Variants in CNTN4 observed in about 807,000 individuals in gnomAD.
The protein encoded by CNTN4 is contactin 4.
In CNTN4, 77 loss-of-function variants were observed where a neutral mutation model predicts 122.5. The observed-to-expected ratio is 0.63, with a 90% CI of 0.52 to 0.76. CNTN4 has a LOEUF of 0.76. Ranked by LOEUF, CNTN4 falls within the 30% of genes least tolerant of loss-of-function variation. The probability of loss-of-function intolerance (pLI) is 0.00; values close to 1 mark genes in which losing one functional copy is unlikely to be tolerated. For synonymous variants in CNTN4, 512 were observed against 447.0 expected, an observed-to-expected ratio of 1.15 and a Z score of -1.83; for missense variants, 1,256 against 1,259.1, an observed-to-expected ratio of 1.00 and a Z score of 0.04.
chr3:2,462,862 A>G (rs964205440), intron 3 of CNTN4, among the ~76,000 whole-genome samples: 27 of 152,182 alleles, frequency 1.8e-4, no homozygotes, highest in African/African-American at 6.3e-4. Context: ...TCCTTATAAA[A>G]TTCCTAAAAT....
intron 7 of CNTN4, among the ~76,000 whole-genome samples, chr3:2,862,634 G>C (rs186222957): frequency 9.8e-5 from 15 of 152,318 alleles, no homozygotes; most frequent in Admixed American, 5.9e-4. Flanking sequence ...AGAGCAATTA[G>C]TGTGTGAAAA....
chr3:2,465,269 T>C (rs903328378), intron 3 of CNTN4, among the ~76,000 whole-genome samples: 45 of 152,358 alleles, frequency 3.0e-4, no homozygotes, highest in African/African-American at 8.9e-4. Flanking sequence ...ACTAACTAAC[T>C]GTTCATCAAT....
intron 4 of CNTN4, among the ~76,000 whole-genome samples, chr3:2,630,298 G>A (rs1414164208): frequency 6.6e-6 from 1 of 152,116 alleles, no homozygotes; most frequent in Non-Finnish European, 1.5e-5. Flanking sequence ...AATTAGCCAG[G>A]CATGGGGGTA....
At chr3:2,749,123 C>G (rs11718805) in intron 6 of CNTN4, among the ~76,000 whole-genome samples, 91,248 of 152,014 alleles carry the variant, frequency 0.6, 29,940 homozygotes, top group Non-Finnish European at 0.73. Context: ...CAGCCCTCTA[C>G]TTTTACATAA....
At chr3:2,647,509 C>A (rs915404306) in intron 4 of CNTN4, among the ~76,000 whole-genome samples, 1 of 152,134 alleles carries the variant, frequency 6.6e-6, no homozygotes, top group African/African-American at 2.4e-5. Flanking sequence ...ATTTTCTCCC[C>A]TCAGATTTTT....
chr3:2,221,210 C>T (rs553265903), intron 2 of CNTN4, among the ~76,000 whole-genome samples: 3 of 152,118 alleles, frequency 2.0e-5, no homozygotes, highest in Non-Finnish European at 2.9e-5. Context: ...GTGGGCCTTT[C>T]GTTGGAAGTT....
chr3:2,271,538 G>T (rs2041298702), intron 2 of CNTN4, among the ~76,000 whole-genome samples: 1 of 152,144 alleles, frequency 6.6e-6, no homozygotes, highest in Non-Finnish European at 1.5e-5. Context: ...TATAAAAAAT[G>T]AAATGGATTC....
At chr3:2,836,704 G>C (rs2150439812) in intron 7 of CNTN4, among the ~76,000 whole-genome samples, 1 of 150,020 alleles carries the variant, frequency 6.7e-6, no homozygotes, top group Non-Finnish European at 1.5e-5. Flanking sequence ...CCATATTACA[G>C]ATTAAAAATA....
intron 4 of CNTN4, among the ~76,000 whole-genome samples, chr3:2,582,210 C>T (rs2079975778): frequency 6.6e-6 from 1 of 152,178 alleles, no homozygotes; most frequent in South Asian, 2.1e-4. Flanking sequence ...CTACTGTCTC[C>T]TGAGAGACAC....
At chr3:2,624,232 G>C (rs984633735) in intron 4 of CNTN4, among the ~76,000 whole-genome samples, 5 of 152,200 alleles carry the variant, frequency 3.3e-5, no homozygotes, top group African/African-American at 1.2e-4. Flanking sequence ...TCCTGAAAAA[G>C]CATTCATAGG....
At chr3:2,749,130 A>G (rs187021902) in intron 6 of CNTN4, among the ~76,000 whole-genome samples, 2 of 152,026 alleles carry the variant, frequency 1.3e-5, no homozygotes, top group Admixed American at 6.6e-5. Context: ...CTACTTTTAC[A>G]TAACAGTATC....
At chr3:2,662,041 T>A (rs1208723455) in intron 4 of CNTN4, among the ~76,000 whole-genome samples, 1 of 152,112 alleles carries the variant, frequency 6.6e-6, no homozygotes, top group African/African-American at 2.4e-5. Context: ...AAAACACTTA[T>A]CAAGTGCTGA....
intron 7 of CNTN4, among the ~76,000 whole-genome samples, chr3:2,862,303 G>T (rs2093679212): frequency 6.6e-6 from 1 of 152,180 alleles, no homozygotes. Flanking sequence ...TGTTCAATGA[G>T]TACCTGGATT....
chr3:2,537,059 A>G (rs1159211604), intron 3 of CNTN4, among the ~76,000 whole-genome samples: 1 of 152,142 alleles, frequency 6.6e-6, no homozygotes, highest in Non-Finnish European at 1.5e-5. Context: ...TAGCATCTGT[A>G]GTATGTGCTA....
At chr3:2,358,326 G>A (rs1292313930) in intron 3 of CNTN4, among the ~76,000 whole-genome samples, 1 of 152,066 alleles carries the variant, frequency 6.6e-6, no homozygotes. Context: ...GGATAATATG[G>A]ATGAAATGAC....
At chr3:2,430,361 G>T (rs946016007) in intron 3 of CNTN4, among the ~76,000 whole-genome samples, 3 of 150,388 alleles carry the variant, frequency 2.0e-5, no homozygotes, top group Non-Finnish European at 3.0e-5. Flanking sequence ...GGCGGAGCTT[G>T]CAGTGAGCCA....
chr3:2,466,970 C>A (rs375753088), intron 3 of CNTN4, among the ~76,000 whole-genome samples: 1 of 115,792 alleles, frequency 8.6e-6, no homozygotes. Flanking sequence ...TTCTTTCTTT[C>A]TTTTTTTTTT....
At chr3:2,259,467 G>A (rs892143134) in intron 2 of CNTN4, among the ~76,000 whole-genome samples, 4 of 152,112 alleles carry the variant, frequency 2.6e-5, no homozygotes, top group African/African-American at 7.2e-5. Flanking sequence ...CCGTTTTCAC[G>A]CTGCTGATAA....
chr3:2,930,990 A>G (rs1295706806), intron 13 of CNTN4, among the ~76,000 whole-genome samples: 1 of 152,230 alleles, frequency 6.6e-6, no homozygotes, highest in Non-Finnish European at 1.5e-5. Context: ...CTTGTATTTT[A>G]TGTCTGTGGA....
Sources: gnomAD v4.1 joint callset for allele counts (sites outside exome capture counted in the v4.1 genomes callset) on GRCh38, gnomAD v4.1.1 for gene constraint, MANE v1.5 for transcripts, NCBI Gene and HGNC (gene_info 2026-07-23, HGNC 2026-07-21) for gene names.